WWOX: variants seen among roughly 807,000 people sequenced by gnomAD.
WWOX encodes WW domain containing oxidoreductase.
Under a neutral mutation model 46.2 loss-of-function variants are expected in WWOX, and 69 were observed. The ratio of observed to expected loss-of-function variants is 1.49; its 90% CI spans 1.23 to 1.82. The LOEUF (loss-of-function observed/expected upper bound fraction) is 1.82. WWOX is among the 40% of genes most tolerant of loss of function. The pLI is 0.00. For synonymous variants in WWOX, 359 were observed against 202.6 expected (o/e 1.77, Z -6.56); for missense variants, 919 against 542.6 (o/e 1.69, Z -6.89).
chr16:78,610,992 C>T (rs1282480392), intron 8 of WWOX, among the ~76,000 whole-genome samples: 1 of 151,976 alleles, frequency 6.6e-6, no homozygotes, highest in Non-Finnish European at 1.5e-5. Flanking sequence ...ACAACAACAA[C>T]AAAAAACCAA....
chr16:78,926,195 A>G (rs1490624667), intron 8 of WWOX, among the ~76,000 whole-genome samples: 2 of 152,060 alleles, frequency 1.3e-5, no homozygotes, highest in Non-Finnish European at 2.9e-5. Context: ...GTAACATGGC[A>G]AAACCTTACC....
intron 5 of WWOX, among the ~76,000 whole-genome samples, chr16:78,365,542 A>G (rs1485636198): frequency 6.6e-6 from 1 of 152,154 alleles, no homozygotes; most frequent in African/African-American, 2.4e-5. Flanking sequence ...TGGAAGGTCC[A>G]TATGTGCTGT....
At position 78,485,837 on chromosome 16, in the gene WWOX, C is replaced by T. The variant is rs767982671; in HGVS notation, c.1056+53085C>T. Among the ~76,000 whole-genome samples, 24 of 152,170 alleles carry T rather than the reference C, an allele frequency of 1.6e-4. 1 individual carries two copies. The highest frequency in any genetic ancestry group is 6.5e-4 in the Admixed American group (10 of 15,282). On this transcript the variant is annotated intron_variant, in intron 8 of 8. Coordinates refer to ENST00000566780, the MANE Select transcript of WWOX (RefSeq NM_016373.4). Reference sequence around the variant, plus strand: ...CTTTCCACCGCCACTCCTGGATGCACTTATTTTGCGAGCCTTATTCAGAAT... The same window carrying T: ...CTTTCCACCGCCACTCCTGGATGCATTTATTTTGCGAGCCTTATTCAGAAT...
intron 5 of WWOX, among the ~76,000 whole-genome samples, chr16:78,356,010 A>G (rs985487450): frequency 2.1e-5 from 3 of 141,354 alleles, no homozygotes; most frequent in Admixed American, 7.6e-5. Context: ...CTTAAGCTAA[A>G]TGGTATTTTC....
chr16:78,948,933 G>A (rs2046002512), intron 8 of WWOX, among the ~76,000 whole-genome samples: 1 of 152,126 alleles, frequency 6.6e-6, no homozygotes, highest in Non-Finnish European at 1.5e-5. Context: ...CAGAGGGTAG[G>A]CAGAGAGATT....
At chr16:78,688,408 C>G (rs1274302620) in intron 8 of WWOX, among the ~76,000 whole-genome samples, 1 of 150,412 alleles carries the variant, frequency 6.6e-6, no homozygotes, top group Non-Finnish European at 1.5e-5. Flanking sequence ...CCTACTTTTT[C>G]AGGTCCTGAT....
rs771726317 is a variant in WWOX at position 78,099,860 on chromosome 16, A to G, written c.82A>G (p.Lys28Glu). 4 of 1,577,528 alleles carry G rather than the reference A, an allele frequency of 2.5e-6. No homozygotes were observed. The highest frequency in any genetic ancestry group is 2.6e-6 in the Non-Finnish European group (3 of 1,162,428). Residue 28 changes from lysine to glutamate, a missense_variant, in exon 1 of 9, where the codon AAG (lysine) becomes GAG (glutamate). Lys to Glu is a moderately conservative substitution (Grantham distance 56). Transcript: ENST00000566780. The stretch of plus-strand genomic sequence containing the variant: ...TCCGGGCTGGGAGGAGAGAACCACC[A>G]AGGACGGCTGGGTTTACTACGCCAA... The part of the protein sequence containing the change: ...LPPGWEERTT[K>E]DGWVYYANHT...
At chr16:78,961,511 G>A (rs561738880) in intron 8 of WWOX, among the ~76,000 whole-genome samples, 2 of 152,090 alleles carry the variant, frequency 1.3e-5, no homozygotes, top group East Asian at 3.9e-4. Flanking sequence ...GTGGGTGTGT[G>A]GAATGGTGGG....
At chr16:78,776,381 C>G (rs542603649) in intron 8 of WWOX, among the ~76,000 whole-genome samples, 1 of 152,126 alleles carries the variant, frequency 6.6e-6, no homozygotes, top group East Asian at 1.9e-4. Flanking sequence ...GTGACACTTG[C>G]TTACTGTGTG....
At chr16:78,775,600 T>A (rs1172248937) in intron 8 of WWOX, among the ~76,000 whole-genome samples, 1 of 152,048 alleles carries the variant, frequency 6.6e-6, no homozygotes, top group East Asian at 1.9e-4. Context: ...CTCCCCCACC[T>A]CTCCCCACAA....
chr16:79,029,701 A>G (rs1206147171), intron 8 of WWOX, among the ~76,000 whole-genome samples: 2 of 152,208 alleles, frequency 1.3e-5, no homozygotes, highest in Non-Finnish European at 2.9e-5. Flanking sequence ...GCGCTTAATT[A>G]TGCTTTTCAA....
At chr16:78,968,917 A>G (rs1038310944) in intron 8 of WWOX, among the ~76,000 whole-genome samples, 3 of 114,314 alleles carry the variant, frequency 2.6e-5, no homozygotes, top group African/African-American at 8.8e-5. Flanking sequence ...CAGTTTCTTA[A>G]AGAAAAAAAA....
intron 5 of WWOX, among the ~76,000 whole-genome samples, chr16:78,333,348 C>T (rs994234427): frequency 6.6e-6 from 1 of 151,824 alleles, no homozygotes. Context: ...CAAACCTGGT[C>T]AATTTTCTAT....
intron 8 of WWOX, among the ~76,000 whole-genome samples, chr16:78,916,763 T>A (rs913677914): frequency 6.6e-6 from 1 of 152,212 alleles, no homozygotes; most frequent in African/African-American, 2.4e-5. Context: ...TCTGGGAAAG[T>A]TTATCCAATT....
rs532062315 is a variant in WWOX, at chr16:78,859,814, G to A, written c.1057-351794G>A. On this transcript the variant is annotated intron_variant, in intron 8 of 8. Transcript: ENST00000566780. The stretch of plus-strand genomic sequence containing the variant: ...AAGTTTTAAGGAAGAAAATGAAGAG[G>A]AAATTTAATGTGATTTAACAGTGAT... 2.1e-5 allele frequency among the ~76,000 whole-genome samples: 3 copies of A among 143,098 alleles called. No homozygotes were observed. In the East Asian group the frequency reaches 6.0e-4, roughly 29 times the overall value. 93.9% of individuals were successfully genotyped at this position (143,098 alleles called of 152,430 possible).
rs1759153620 is a variant in WWOX, at chr16:78,339,688, G to C, written c.517-47172G>C. Among the ~76,000 whole-genome samples the C allele has an allele frequency of 1.7e-5, 2 of 119,024 alleles. 1 individual carries two copies. Among genetic ancestry groups the C allele is most frequent in the Non-Finnish European group, 4.0e-5 (2 of 50,116 alleles). The allele number at this position is 119,024 out of a possible 152,430, so 78.1% of individuals were successfully genotyped here. A position where few individuals can be genotyped will look rare whatever the true frequency, so the allele number is the denominator to read the frequency against. ...CTGTTCCATCCTCATTTTATTCATT[G>C]TTAGGGATAGAATTACAGATTTAAA... On this transcript the variant is annotated intron_variant, in intron 5 of 8. Transcript: ENST00000566780.
At chr16:78,882,396 A>G (rs779269685) in intron 8 of WWOX, among the ~76,000 whole-genome samples, 1 of 151,912 alleles carries the variant, frequency 6.6e-6, no homozygotes, top group African/African-American at 2.4e-5. Flanking sequence ...TCCATCCTCT[A>G]TTTTATTACC....
intron 8 of WWOX, among the ~76,000 whole-genome samples, chr16:78,478,845 T>A (rs903417246): frequency 2.6e-5 from 4 of 152,346 alleles, no homozygotes; most frequent in African/African-American, 7.2e-5. Flanking sequence ...CTCTCCCCTT[T>A]CCTTGGACAA....
chr16:78,756,138 C>T (rs1039295436), intron 8 of WWOX, among the ~76,000 whole-genome samples: 4 of 152,056 alleles, frequency 2.6e-5, no homozygotes, highest in Admixed American at 6.6e-5. Flanking sequence ...AAAACACGAA[C>T]GGGGATCCTA....
Sources: gnomAD v4.1 joint callset for allele counts (sites outside exome capture counted in the v4.1 genomes callset) on GRCh38, gnomAD v4.1.1 for gene constraint, MANE v1.5 for transcripts, NCBI Gene and HGNC (gene_info 2026-07-23, HGNC 2026-07-21) for gene names.